Variants in DMD observed in about 807,000 individuals in gnomAD.
DMD encodes the protein mutant dystrophin.
DMD carries 63 observed loss-of-function variants against 330.1 expected under a neutral mutation model. The observed-to-expected ratio is 0.19, with a 90% CI of 0.16 to 0.24. The LOEUF (loss-of-function observed/expected upper bound fraction) is 0.24, where lower values mean the gene tolerates loss of function less well. Ranked by LOEUF, DMD falls within the 10% of genes least tolerant of loss-of-function variation. The probability of loss-of-function intolerance (pLI) is 1.00; values close to 1 mark genes in which losing one functional copy is unlikely to be tolerated. For synonymous variants in DMD, 1,223 were observed against 959.8 expected (o/e 1.27, Z -5.07); for missense variants, 3,344 against 2,684.1 (o/e 1.25, Z -5.43).
intron 1 of DMD, among the ~76,000 whole-genome samples, chrX:33,141,014 A>T (rs1260215965): frequency 2.7e-5 from 3 of 112,074 alleles, no homozygotes; most frequent in Admixed American, 9.5e-5. Context: ...AGTATAATTC[A>T]ATAATTGTTA....
chrX:32,943,669 A>G (rs959654325), intron 2 of DMD, among the ~76,000 whole-genome samples: 9 of 111,845 alleles, frequency 8.0e-5, no homozygotes, highest in Non-Finnish European at 1.7e-4. Flanking sequence ...CATTTCTTCG[A>G]TAATTTCCCT....
At chrX:33,075,072 C>A (rs2094818647) in intron 1 of DMD, among the ~76,000 whole-genome samples, 1 of 111,964 alleles carries the variant, frequency 8.9e-6, no homozygotes, top group African/African-American at 3.2e-5. Context: ...CCAGAGGTCA[C>A]AAGACACGCG....
At chrX:31,922,993 G>A (rs2094715666) in intron 47 of DMD, among the ~76,000 whole-genome samples, 1 of 111,323 alleles carries the variant, frequency 9.0e-6, no homozygotes, top group Non-Finnish European at 1.9e-5. Context: ...ATTGAGCACT[G>A]GACCAAGCCT....
At chrX:33,164,715 G>A (rs1013250991) in intron 1 of DMD, among the ~76,000 whole-genome samples, 4 of 110,828 alleles carry the variant, frequency 3.6e-5, no homozygotes, top group Non-Finnish European at 7.6e-5. Context: ...ACTTTCATAC[G>A]AAAAATGTTC....
intron 2 of DMD, among the ~76,000 whole-genome samples, chrX:32,921,544 T>C (rs371610341): frequency 4.1e-4 from 46 of 111,489 alleles, no homozygotes; most frequent in African/African-American, 1.2e-3. Flanking sequence ...TACGTGGCCA[T>C]GTGTATGACT....
chrX:32,380,480 CA>C, intron 34 of DMD, 29 bp downstream of exon 34: 1 of 1,193,863 alleles, frequency 8.4e-7, no homozygotes. Context: ...CACGTATGTT[CA>C]AAATAACCTT....
At chrX:32,529,092 T>C (rs990047105) in intron 17 of DMD, among the ~76,000 whole-genome samples, 6 of 105,303 alleles carry the variant, frequency 5.7e-5, no homozygotes, top group African/African-American at 2.1e-4. Context: ...TGGCTAATTT[T>C]TTTTCCCTAT....
chrX:31,172,308 A>G, intron 73 of DMD, 40 bp downstream of exon 73: 1 of 994,958 alleles, frequency 1.0e-6, no homozygotes, highest in Non-Finnish European at 1.4e-6. Flanking sequence ...AAGCAATTTC[A>G]TTGTCAGGAA....
chrX:31,799,308 A>G (rs898066521), intron 50 of DMD, among the ~76,000 whole-genome samples: 42 of 111,854 alleles, frequency 3.8e-4, no homozygotes, highest in African/African-American at 1.3e-3. Context: ...TTGATTCACC[A>G]TTCTGCATGG....
At chrX:31,670,386 G>T (rs1450771492) in intron 53 of DMD, among the ~76,000 whole-genome samples, 1 of 112,130 alleles carries the variant, frequency 8.9e-6, no homozygotes, top group Non-Finnish European at 1.9e-5. Context: ...TTAGGGGAAA[G>T]CATTCAGTGT....
In DMD at chrX:31,231,742, C is replaced by T. The variant is rs749148630; in HGVS notation, c.9287-8621G>A. ...AAAAATACAAAAAATTAGCTGGATG[C>T]GGCGGCAGGCACCTGTAATCCCAGC... On this transcript the variant is annotated intron_variant, in intron 63 of 78. Coordinates refer to ENST00000357033, the MANE Select transcript of DMD (RefSeq NM_004006.3). 8.1e-5 allele frequency among the ~76,000 whole-genome samples: 9 copies of T among 111,590 alleles called. 1 individual carries two copies. Among genetic ancestry groups the T allele is most frequent in the African/African-American group, 2.6e-4 (8 of 30,686 alleles).
intron 55 of DMD, among the ~76,000 whole-genome samples, chrX:31,587,208 G>A (rs949863016): frequency 9.0e-6 from 1 of 111,142 alleles, no homozygotes; most frequent in Non-Finnish European, 1.9e-5. Flanking sequence ...TCAGTTGTTC[G>A]AAGGAAACAC....
chrX:31,975,554 T>C (rs2095429980), intron 44 of DMD, among the ~76,000 whole-genome samples: 1 of 111,664 alleles, frequency 9.0e-6, no homozygotes, highest in Non-Finnish European at 1.9e-5. Context: ...TGTTTTCTTA[T>C]TAAGTGATCC....
At chrX:31,486,417 A>C (rs1207892196) in intron 57 of DMD, among the ~76,000 whole-genome samples, 1 of 112,537 alleles carries the variant, frequency 8.9e-6, no homozygotes, top group Non-Finnish European at 1.9e-5. Context: ...ATCTTATTCT[A>C]GGTCTACTCA....
intron 27 of DMD, among the ~76,000 whole-genome samples, chrX:32,445,475 T>C (rs1333018467): frequency 9.0e-6 from 1 of 111,168 alleles, no homozygotes; most frequent in Non-Finnish European, 1.9e-5. Context: ...CCTGCGTCTG[T>C]ATAAATTGCT....
intron 2 of DMD, among the ~76,000 whole-genome samples, chrX:32,866,724 TGGGGGGGGGTGGGGGGG>T (rs2082515146): frequency 2.6e-5 from 1 of 38,413 alleles, no homozygotes; most frequent in Admixed American, 3.0e-4. Flanking sequence ...CACTTTTTTT[TGGGGGGGGGTGGGGGGG>T]TGGGGGGGGG....
At chrX:32,806,659 T>A in intron 7 of DMD, among the ~76,000 whole-genome samples, 1 of 111,470 alleles carries the variant, frequency 9.0e-6, no homozygotes, top group Non-Finnish European at 1.9e-5. Context: ...CAGCACCACA[T>A]CATACTTATT....
chrX:32,740,066 A>C (rs1456289554), intron 7 of DMD, among the ~76,000 whole-genome samples: 1 of 108,785 alleles, frequency 9.2e-6, no homozygotes, highest in Non-Finnish European at 1.9e-5. Flanking sequence ...TACTTCATCA[A>C]ATTAAATGTG....
At chrX:32,639,700 G>A (rs2059326435) in intron 11 of DMD, among the ~76,000 whole-genome samples, 2 of 111,968 alleles carry the variant, frequency 1.8e-5, no homozygotes, top group Non-Finnish European at 3.8e-5. Flanking sequence ...GAGAAAGAAA[G>A]GAGGAAGTAT....
Sources: gnomAD v4.1 joint callset for allele counts (sites outside exome capture counted in the v4.1 genomes callset) on GRCh38, gnomAD v4.1.1 for gene constraint, MANE v1.5 for transcripts, NCBI Gene and HGNC (gene_info 2026-07-23, HGNC 2026-07-21) for gene names.